CARNMT1: variants seen among roughly 807,000 people sequenced by gnomAD.
CARNMT1 encodes protein-L-histidine N-pros-methyltransferase CARNMT1.
Under a neutral mutation model 49.6 loss-of-function variants are expected in CARNMT1, and 28 were observed. The ratio of observed to expected loss-of-function variants is 0.56; its 90% confidence interval spans 0.42 to 0.77. The LOEUF (loss-of-function observed/expected upper bound fraction) is 0.77. Among genes scored for constraint, CARNMT1 ranks in the 30% least tolerant of loss-of-function variants. The pLI, the probability that CARNMT1 is intolerant of heterozygous loss-of-function variation, is 0.00. For missense variants in CARNMT1, 421 were observed against 512.6 expected, an observed-to-expected ratio of 0.82 and a Z score of 1.73; for synonymous variants, 178 against 175.0, an observed-to-expected ratio of 1.02 and a Z score of -0.13.
At chr9:75,014,395 T>A (rs551202590) in intron 3 of CARNMT1, among the ~76,000 whole-genome samples, 34 of 152,276 alleles carry the variant, frequency 2.2e-4, no homozygotes, top group African/African-American at 7.9e-4. Flanking sequence ...GATAACCCTA[T>A]AGAGTTGGGA....
At chr9:74,992,819 C>T (rs1221532521) in intron 6 of CARNMT1, among the ~76,000 whole-genome samples, 1 of 152,116 alleles carries the variant, frequency 6.6e-6, no homozygotes, top group African/African-American at 2.4e-5. Context: ...GAATGGCTGG[C>T]CATTACATTT....
intron 1 of CARNMT1, among the ~76,000 whole-genome samples, chr9:75,020,021 T>G (rs1250058915): frequency 6.6e-6 from 1 of 152,190 alleles, no homozygotes; most frequent in Non-Finnish European, 1.5e-5. Context: ...AAATATTATT[T>G]AGGGACTGAG....
intron 2 of CARNMT1, 142 bp downstream of exon 2, chr9:75,017,111 T>C (rs1833877508): frequency 4.7e-6 from 3 of 637,538 alleles, no homozygotes; most frequent in Non-Finnish European, 8.1e-6. Flanking sequence ...CCTAATCAAA[T>C]GACTGAACAT....
At chr9:75,027,345 A>T (rs1822561173) in intron 1 of CARNMT1, 1 of 887,032 alleles carries the variant, frequency 1.1e-6, no homozygotes, top group Non-Finnish European at 1.4e-6. Context: ...AAAAGAACGT[A>T]AAGGCAGCTC....
chr9:75,016,559 TG>T, intron 2 of CARNMT1, 128 bp from the exon 3 acceptor site: 1 of 817,294 alleles, frequency 1.2e-6, no homozygotes, highest in Non-Finnish European at 1.9e-6. Context: ...TCACCTCAAC[TG>T]GGGTTCAAGT....
chr9:75,020,178 T>C (rs986245180), intron 1 of CARNMT1, among the ~76,000 whole-genome samples: 23 of 152,174 alleles, frequency 1.5e-4, no homozygotes, highest in African/African-American at 5.5e-4. Flanking sequence ...TATCTATATA[T>C]GTATGTGTAT....
At chr9:75,027,919 C>G in intron 1 of CARNMT1, 93 bp downstream of exon 1, 1 of 1,348,368 alleles carries the variant, frequency 7.4e-7, no homozygotes, top group East Asian at 3.1e-5. Context: ...GGAGGCGTGG[C>G]GGCGGGACGG....
chr9:75,018,670 T>TAGAG (rs1335158260), intron 1 of CARNMT1, among the ~76,000 whole-genome samples: 4 of 152,078 alleles, frequency 2.6e-5, no homozygotes, highest in African/African-American at 9.7e-5. Flanking sequence ...ATAGCACTGT[T>TAGAG]AGAGATAAGA....
At chr9:75,021,768 C>T (rs1271286489) in intron 1 of CARNMT1, among the ~76,000 whole-genome samples, 2 of 151,684 alleles carry the variant, frequency 1.3e-5, no homozygotes, top group African/African-American at 4.8e-5. Flanking sequence ...ATCCTCTCTA[C>T]AAAAAAATAA....
Position 74,984,961 on chromosome 9 carries a change from T to C in CARNMT1, c.1074A>G (p.Glu358=). Residue 358 remains glutamate, a synonymous_variant, in exon 7 of 8, where the codon GAA becomes GAG. Transcript: ENST00000376834. ...FENLANELSI[E]LSYEDIKNVV... ...CGTTTTTTATATCCTCATAGCTCAA[T>C]TCTATGGAAAGTTCATTTGCCAGAT... The C allele has an allele frequency of 6.2e-7, 1 of 1,613,944 alleles. No homozygotes were observed. Among genetic ancestry groups the C allele is most frequent in the Non-Finnish European group, 8.5e-7 (1 of 1,179,908 alleles).
intron 3 of CARNMT1, among the ~76,000 whole-genome samples, chr9:75,012,405 G>GGTTCAA (rs1833720179): frequency 6.6e-6 from 1 of 151,028 alleles, no homozygotes; most frequent in South Asian, 2.1e-4. Context: ...TCCTGCCTCA[G>GGTTCAA]ACTCCTGAGT....
chr9:74,999,686 G>T, intron 4 of CARNMT1, 44 bp downstream of exon 4: 1 of 1,556,728 alleles, frequency 6.4e-7, no homozygotes, highest in South Asian at 1.2e-5. Context: ...AAGTCAATCT[G>T]ATTCTGAGAA....
At chr9:75,027,792 G>C (rs1156550021) in intron 1 of CARNMT1, among the ~76,000 whole-genome samples, 1 of 152,238 alleles carries the variant, frequency 6.6e-6, no homozygotes, top group Non-Finnish European at 1.5e-5. Context: ...GAAGACACGA[G>C]GCTGTGCAGC....
intron 3 of CARNMT1, among the ~76,000 whole-genome samples, chr9:75,011,461 C>T (rs1212747412): frequency 6.6e-6 from 1 of 152,224 alleles, no homozygotes; most frequent in Non-Finnish European, 1.5e-5. Context: ...AATTCCTGGG[C>T]TCAAATGATC....
upstream of CARNMT1, chr9:75,028,339 A>C: frequency 6.1e-6 from 8 of 1,309,378 alleles, no homozygotes; most frequent in Non-Finnish European, 7.7e-6. Flanking sequence ...CCCGCCGCGG[A>C]CATGCCCCCA....
At chr9:74,992,858 T>C (rs1398966781) in intron 6 of CARNMT1, among the ~76,000 whole-genome samples, 1 of 152,232 alleles carries the variant, frequency 6.6e-6, no homozygotes, top group Non-Finnish European at 1.5e-5. Context: ...ATTGATGTTC[T>C]AGTCTACCTA....
At chr9:75,019,507 A>G (rs969247485) in intron 1 of CARNMT1, among the ~76,000 whole-genome samples, 2 of 152,178 alleles carry the variant, frequency 1.3e-5, no homozygotes, top group Non-Finnish European at 2.9e-5. Flanking sequence ...TGAGAGCCTG[A>G]TAACATTAAA....
intron 6 of CARNMT1, among the ~76,000 whole-genome samples, chr9:74,988,071 T>A (rs1002412195): frequency 6.6e-6 from 1 of 152,118 alleles, no homozygotes; most frequent in Admixed American, 6.6e-5. Context: ...TTTTTCTTTT[T>A]TAATTTTTAA....
At chr9:75,017,135 T>A (rs1833877940) in intron 2 of CARNMT1, 118 bp downstream of exon 2, 2 of 731,548 alleles carry the variant, frequency 2.7e-6, no homozygotes, top group Admixed American at 5.9e-5. Context: ...AGTTAAAACT[T>A]TCTGAGTAGA....
Sources: gnomAD v4.1 joint callset for allele counts (sites outside exome capture counted in the v4.1 genomes callset) on GRCh38, gnomAD v4.1.1 for gene constraint, MANE v1.5 for transcripts, NCBI Gene and HGNC (gene_info 2026-07-23, HGNC 2026-07-21) for gene names.